Variants in KCNB2 observed in about 807,000 individuals in gnomAD.
KCNB2 encodes delayed rectifier potassium channel protein.
A neutral mutation model predicts 61.5 loss-of-function variants in KCNB2; 15 were observed. The observed-to-expected ratio is 0.24, with a 90% CI of 0.16 to 0.38. The LOEUF is 0.38. Among genes scored for constraint, KCNB2 ranks in the 10% least tolerant of loss-of-function variants. The pLI, the probability that KCNB2 is intolerant of heterozygous loss-of-function variation, is 1.00. For missense variants in KCNB2, 828 were observed against 1,125.2 expected, an observed-to-expected ratio of 0.74 and a Z score of 3.78; for synonymous variants, 457 against 446.0, an observed-to-expected ratio of 1.02 and a Z score of -0.31.
In KCNB2 at chr8:72,630,233, C is replaced by T. The variant is rs117629669; in HGVS notation, c.579+61920C>T. Among the ~76,000 whole-genome samples, 57 of 152,302 alleles carry T rather than the reference C, an allele frequency of 3.7e-4. 1 individual carries two copies. In the East Asian group the frequency reaches 0.011, roughly 29 times the overall value. On this transcript the variant is annotated intron_variant, in intron 2 of 2. Transcript: ENST00000523207. ...GAACTGATTGTTACACCTTTACCAA[C>T]ATACCACCAGTTACCATGGTTATAG...
intron 2 of KCNB2, among the ~76,000 whole-genome samples, chr8:72,887,530 G>A (rs1390850633): frequency 1.3e-5 from 2 of 152,158 alleles, no homozygotes; most frequent in East Asian, 1.9e-4. Context: ...AGGAAGACAG[G>A]AAGAGGGCTT....
intron 2 of KCNB2, among the ~76,000 whole-genome samples, chr8:72,597,357 C>G (rs1029951774): frequency 6.6e-6 from 1 of 152,086 alleles, no homozygotes; most frequent in South Asian, 2.1e-4. Flanking sequence ...TTATAAATGA[C>G]AGGATCAACC....
chr8:72,786,821 T>C (rs931498028), intron 2 of KCNB2, among the ~76,000 whole-genome samples: 3 of 152,178 alleles, frequency 2.0e-5, no homozygotes, highest in Non-Finnish European at 4.4e-5. Context: ...ATAATAATCA[T>C]TGGAAAAAGA....
intron 2 of KCNB2, among the ~76,000 whole-genome samples, chr8:72,656,264 A>G (rs895536730): frequency 1.3e-5 from 2 of 152,170 alleles, no homozygotes; most frequent in African/African-American, 4.8e-5. Flanking sequence ...AAGATTAAAA[A>G]GGATAAAGAA....
At chr8:72,828,132 A>G (rs1280636658) in intron 2 of KCNB2, among the ~76,000 whole-genome samples, 1 of 152,194 alleles carries the variant, frequency 6.6e-6, no homozygotes, top group African/African-American at 2.4e-5. Context: ...ATTTCTAACC[A>G]CTTCTCTCAT....
chr8:72,833,061 A>G (rs2129001991), intron 2 of KCNB2, among the ~76,000 whole-genome samples: 1 of 152,340 alleles, frequency 6.6e-6, no homozygotes, highest in East Asian at 1.9e-4. Context: ...ATTGAAGATG[A>G]TAAAATATTA....
At chr8:72,623,692 T>G (rs1805745165) in intron 2 of KCNB2, among the ~76,000 whole-genome samples, 2 of 152,210 alleles carry the variant, frequency 1.3e-5, no homozygotes, top group South Asian at 4.1e-4. Context: ...TTTGTCACAT[T>G]TGTCTTCCTG....
At chr8:72,807,827 C>T (rs576334498) in intron 2 of KCNB2, among the ~76,000 whole-genome samples, 13 of 152,230 alleles carry the variant, frequency 8.5e-5, no homozygotes, top group South Asian at 2.1e-4. Flanking sequence ...TAGATAAAAA[C>T]GAGCACATGT....
At chr8:72,916,274 G>C (rs531044241) in intron 2 of KCNB2, among the ~76,000 whole-genome samples, 14 of 152,294 alleles carry the variant, frequency 9.2e-5, no homozygotes, top group Middle Eastern at 6.8e-3. Flanking sequence ...AGATTTTTGA[G>C]GCAGGATATT....
chr8:72,591,810 A>G (rs539194434), intron 2 of KCNB2, among the ~76,000 whole-genome samples: 5 of 152,044 alleles, frequency 3.3e-5, no homozygotes, highest in Non-Finnish European at 7.4e-5. Context: ...TAGACATTCA[A>G]TGGATGTTTA....
At chr8:72,812,148 G>A (rs1337504075) in intron 2 of KCNB2, among the ~76,000 whole-genome samples, 1 of 152,120 alleles carries the variant, frequency 6.6e-6, no homozygotes, top group African/African-American at 2.4e-5. Flanking sequence ...TGTAATCCCA[G>A]CTACTCGCGA....
At chr8:72,870,210 T>C (rs1280166414) in intron 2 of KCNB2, among the ~76,000 whole-genome samples, 3 of 152,150 alleles carry the variant, frequency 2.0e-5, no homozygotes, top group Non-Finnish European at 4.4e-5. Context: ...GGGGGGTTGC[T>C]GTTCAATGAG....
chr8:72,895,514 CATGTCAG>C (rs775756265), intron 2 of KCNB2, among the ~76,000 whole-genome samples: 12 of 152,122 alleles, frequency 7.9e-5, no homozygotes, highest in Non-Finnish European at 1.5e-5. Flanking sequence ...CAGTGAGATC[CATGTCAG>C]ACTTTTCAGC....
intron 2 of KCNB2, among the ~76,000 whole-genome samples, chr8:72,929,309 G>A (rs1806723541): frequency 6.6e-6 from 1 of 152,166 alleles, no homozygotes; most frequent in Non-Finnish European, 1.5e-5. Flanking sequence ...CCCACAAACA[G>A]AAATCAATAC....
chr8:72,704,937 C>G (rs529749133), intron 2 of KCNB2, among the ~76,000 whole-genome samples: 2 of 143,144 alleles, frequency 1.4e-5, no homozygotes. Flanking sequence ...CATGTCATAC[C>G]ATATTTTTTA....
chr8:72,620,341 T>C (rs1233098064), intron 2 of KCNB2, among the ~76,000 whole-genome samples: 1 of 152,220 alleles, frequency 6.6e-6, no homozygotes, highest in Admixed American at 6.5e-5. Flanking sequence ...GAAGAGGCCG[T>C]TTTATAGCAC....
chr8:72,840,196 C>T (rs10100849), intron 2 of KCNB2, among the ~76,000 whole-genome samples: 129,715 of 152,064 alleles, frequency 0.85, 56,284 homozygotes, highest in Middle Eastern at 0.97. Context: ...TTGCTGAGAA[C>T]GATGGTTTCC....
At chr8:72,867,277 A>G (rs1805536066) in intron 2 of KCNB2, among the ~76,000 whole-genome samples, 1 of 152,220 alleles carries the variant, frequency 6.6e-6, no homozygotes, top group Non-Finnish European at 1.5e-5. Context: ...GTAGCTCCAG[A>G]TGTGAATATT....
chr8:72,630,085 C>T (rs1401840595), intron 2 of KCNB2, among the ~76,000 whole-genome samples: 1 of 152,198 alleles, frequency 6.6e-6, no homozygotes, highest in African/African-American at 2.4e-5. Flanking sequence ...AATTGACTCA[C>T]ACCAGCTGGT....
Sources: gnomAD v4.1 joint callset for allele counts (sites outside exome capture counted in the v4.1 genomes callset) on GRCh38, gnomAD v4.1.1 for gene constraint, MANE v1.5 for transcripts, NCBI Gene and HGNC (gene_info 2026-07-23, HGNC 2026-07-21) for gene names.